CA10: variants seen among roughly 807,000 people sequenced by gnomAD.
CA10 encodes carbonic anhydrase 10 (inactive).
In CA10, 14 loss-of-function variants were observed where a neutral mutation model predicts 44.2. The ratio of observed to expected loss-of-function variants is 0.32; its 90% CI spans 0.21 to 0.50. The LOEUF is 0.50. Among genes scored for constraint, CA10 ranks in the 20% least tolerant of loss-of-function variants. CA10 has a pLI of 0.99. For missense variants in CA10, 350 were observed against 409.7 expected (o/e 0.85, Z 1.26); for synonymous variants, 159 against 141.6 (o/e 1.12, Z -0.87).
chr17:51,990,480 T>C (rs530254428), intron 2 of CA10, among the ~76,000 whole-genome samples: 4 of 152,192 alleles, frequency 2.6e-5, no homozygotes, highest in South Asian at 4.1e-4. Context: ...GTTTTACAAG[T>C]AGAAGTTTTG....
At chr17:51,962,978 CTCAATGATA>C (rs1177600649) in intron 2 of CA10, among the ~76,000 whole-genome samples, 1 of 152,060 alleles carries the variant, frequency 6.6e-6, no homozygotes, top group Non-Finnish European at 1.5e-5. Context: ...TGAGAGGAAG[CTCAATGATA>C]TCTAAAACAA....
intron 3 of CA10, among the ~76,000 whole-genome samples, chr17:51,914,687 C>A (rs984330634): frequency 3.9e-5 from 6 of 152,136 alleles, no homozygotes; most frequent in Admixed American, 1.3e-4. Flanking sequence ...GCTCTTCTGA[C>A]CCATGCTGCC....
In CA10 at chr17:51,738,184, G is replaced by T. The variant is rs1469169774; in HGVS notation, c.465+9449C>A. ...AGGTCTGTTTATTATCTGTCAACTG[G>T]CGAGCAATTAAGTTGGCACCATTGA... is the stretch of plus-strand genomic sequence containing the variant. On this transcript the variant is annotated intron_variant, in intron 4 of 8. Coordinates refer to ENST00000451037, the MANE Select transcript of CA10 (RefSeq NM_020178.5). Among the ~76,000 whole-genome samples, 3 of 152,096 alleles carry T rather than the reference G, an allele frequency of 2.0e-5. No individual in the cohort carries two copies. In the East Asian group the frequency reaches 5.8e-4, roughly 29 times the overall value.
intron 3 of CA10, among the ~76,000 whole-genome samples, chr17:51,751,940 G>A (rs1904906330): frequency 6.6e-6 from 1 of 152,092 alleles, no homozygotes; most frequent in South Asian, 2.1e-4. Flanking sequence ...GCTGGGGACA[G>A]TATGACTTTG....
At chr17:51,779,222 C>T (rs144837987) in intron 3 of CA10, among the ~76,000 whole-genome samples, 160 of 152,148 alleles carry the variant, frequency 1.1e-3, no homozygotes, top group Non-Finnish European at 1.8e-3. Context: ...CCTGGTGTCT[C>T]GGGGCTCCCT....
intron 1 of CA10, among the ~76,000 whole-genome samples, chr17:52,101,647 C>T (rs1165486810): frequency 6.6e-6 from 1 of 152,048 alleles, no homozygotes; most frequent in Non-Finnish European, 1.5e-5. Flanking sequence ...TTATGTTAAC[C>T]AACAAAGTCT....
Position 51,765,691 on chromosome 17 carries a change from C to CTGTGTGTGTGTG in CA10, c.280-17885_280-17874dup, listed in dbSNP as rs61631215. Among the ~76,000 whole-genome samples the CTGTGTGTGTGTG allele has an allele frequency of 5.4e-3, 761 of 140,328 alleles. 11 individuals carry two copies. The highest frequency in any genetic ancestry group is 7.3e-3 in the Non-Finnish European group (479 of 65,254). The allele number at this position is 140,328 out of a possible 152,430, so 92.1% of individuals were successfully genotyped here. On this transcript the variant is annotated intron_variant, in intron 3 of 8. Coordinates refer to ENST00000451037, the MANE Select transcript of CA10 (RefSeq NM_020178.5). ...GAGAGCTTGCAAGGCAGGCAGCTCC[C>CTGTGTGTGTGTG]TGTGTGTGTGTGTGTGTGTGTGTGT... is the stretch of plus-strand genomic sequence containing the variant.
intron 1 of CA10, among the ~76,000 whole-genome samples, chr17:52,103,936 C>T (rs1272605692): frequency 6.6e-6 from 1 of 152,174 alleles, no homozygotes; most frequent in African/African-American, 2.4e-5. Flanking sequence ...GGCTTTGGAG[C>T]CAGACTGATC....
At chr17:51,675,077 G>C (rs939974171) in intron 4 of CA10, among the ~76,000 whole-genome samples, 2 of 152,210 alleles carry the variant, frequency 1.3e-5, no homozygotes, top group Non-Finnish European at 2.9e-5. Flanking sequence ...CCAGAAGGCT[G>C]TGCGCTCCTT....
intron 1 of CA10, among the ~76,000 whole-genome samples, chr17:52,154,615 C>T (rs1989766729): frequency 6.6e-6 from 1 of 152,172 alleles, no homozygotes; most frequent in African/African-American, 2.4e-5. Context: ...TTCTCTCTCT[C>T]TCCCTCTCTC....
At chr17:51,898,249 T>C (rs1198093706) in intron 3 of CA10, among the ~76,000 whole-genome samples, 1 of 151,930 alleles carries the variant, frequency 6.6e-6, no homozygotes, top group Non-Finnish European at 1.5e-5. Flanking sequence ...TCACAGTGTC[T>C]GGTTTGTTGT....
intron 3 of CA10, chr17:51,761,495 T>TGG (rs1905216356): frequency 6.6e-6 from 1 of 152,168 alleles, no homozygotes; most frequent in Admixed American, 6.5e-5. Flanking sequence ...AAAAGATAAA[T>TGG]GACATAAAAG....
At chr17:51,862,491 G>A (rs1041411379) in intron 3 of CA10, among the ~76,000 whole-genome samples, 2 of 151,960 alleles carry the variant, frequency 1.3e-5, no homozygotes, top group Admixed American at 6.6e-5. Flanking sequence ...TACTCTAGAG[G>A]AGACAGGATG....
At chr17:51,790,601 T>C (rs961748673) in intron 3 of CA10, among the ~76,000 whole-genome samples, 12 of 152,284 alleles carry the variant, frequency 7.9e-5, no homozygotes, top group Middle Eastern at 3.4e-3. Flanking sequence ...TGTGAGTACC[T>C]TGAGGGCAGA....
chr17:51,930,276 T>C (rs2143992187), intron 3 of CA10, among the ~76,000 whole-genome samples: 1 of 152,264 alleles, frequency 6.6e-6, no homozygotes, highest in East Asian at 1.9e-4. Flanking sequence ...CATGTGCATT[T>C]TTTTTTTACC....
chr17:52,015,348 A>G (rs975212339), intron 2 of CA10, among the ~76,000 whole-genome samples: 30 of 152,116 alleles, frequency 2.0e-4, no homozygotes, highest in African/African-American at 7.2e-4. Flanking sequence ...TTCCTCTTCA[A>G]TTGCCTTTTA....
At chr17:51,746,566 G>A (rs761582491) in intron 4 of CA10, among the ~76,000 whole-genome samples, 27 of 152,114 alleles carry the variant, frequency 1.8e-4, no homozygotes, top group Non-Finnish European at 4.0e-4. Flanking sequence ...AGTTTGCCAG[G>A]GCCTTTGTAC....
At chr17:51,665,050 T>G (rs1344329649) in intron 4 of CA10, among the ~76,000 whole-genome samples, 2 of 152,162 alleles carry the variant, frequency 1.3e-5, no homozygotes, top group Non-Finnish European at 2.9e-5. Context: ...AAGAGTCACT[T>G]TAGGTGGCTA....
chr17:51,920,676 C>A (rs1211674228), intron 3 of CA10, among the ~76,000 whole-genome samples: 1 of 152,142 alleles, frequency 6.6e-6, no homozygotes, highest in Non-Finnish European at 1.5e-5. Context: ...CAGTGAGCGG[C>A]AATCCTCAGC....
Sources: gnomAD v4.1 joint callset for allele counts (sites outside exome capture counted in the v4.1 genomes callset) on GRCh38, gnomAD v4.1.1 for gene constraint, MANE v1.5 for transcripts, NCBI Gene and HGNC (gene_info 2026-07-23, HGNC 2026-07-21) for gene names.